The following ATL3 variants were observed in gnomAD, a reference collection of about 807,000 sequenced individuals.
The protein encoded by ATL3 is atlastin-3.
In ATL3, 49 loss-of-function variants were observed where a neutral mutation model predicts 69.5. The ratio of observed to expected loss-of-function variants is 0.71; its 90% CI spans 0.56 to 0.89. The LOEUF is 0.89. Among genes scored for constraint, ATL3 ranks in the 40% least tolerant of loss-of-function variants. The probability of loss-of-function intolerance (pLI) is 0.00; values close to 1 mark genes in which losing one functional copy is unlikely to be tolerated. For missense variants in ATL3, 606 were observed against 645.7 expected, an observed-to-expected ratio of 0.94 and a Z score of 0.67; for synonymous variants, 214 against 224.1, an observed-to-expected ratio of 0.95 and a Z score of 0.40.
intron 6 of ATL3, 78 bp downstream of exon 6, chr11:63,646,429 T>C: frequency 2.5e-6 from 2 of 805,222 alleles, no homozygotes; most frequent in Admixed American, 4.9e-5. Context: ...AAGCTAGATT[T>C]GGCCTATGAG....
At chr11:63,660,216 A>G (rs193095381) in intron 1 of ATL3, among the ~76,000 whole-genome samples, 3 of 152,320 alleles carry the variant, frequency 2.0e-5, no homozygotes, top group African/African-American at 4.8e-5. Flanking sequence ...AGTATTCACA[A>G]TATCTGTTTC....
rs1021042299 is a variant in ATL3 at position 63,632,755 on chromosome 11, C to T, written c.1107+271G>A. The T allele has an allele frequency of 3.0e-6, 3 of 1,003,536 alleles. No homozygotes were observed. The African/African-American group carries it at 4.8e-5, about 16-fold the overall frequency. The allele number at this position is 1,003,536 out of a possible 1,614,324, so 62.2% of individuals were successfully genotyped here. On this transcript the variant is annotated intron_variant, in intron 11 of 12. Transcript: ENST00000398868. ...TTTATTCTTTTGACTTGATTATTGTCTCCTGCTCATGTGAATTTATTACTC... is the reference window on the plus strand; with the variant it reads ...TTTATTCTTTTGACTTGATTATTGTTTCCTGCTCATGTGAATTTATTACTC...
chr11:63,651,669 C>T (rs893423758), intron 5 of ATL3, among the ~76,000 whole-genome samples: 1 of 152,176 alleles, frequency 6.6e-6, no homozygotes, highest in Admixed American at 6.6e-5. Context: ...CCAGCAGCTG[C>T]TCCTCTCCTG....
chr11:63,656,061 A>G (rs1428587074), intron 3 of ATL3, among the ~76,000 whole-genome samples: 3 of 152,088 alleles, frequency 2.0e-5, no homozygotes, highest in Non-Finnish European at 4.4e-5. Flanking sequence ...CGTCTCTACT[A>G]AAAATACAAA....
intron 12 of ATL3, among the ~76,000 whole-genome samples, chr11:63,630,324 G>A (rs1939266764): frequency 1.3e-5 from 2 of 151,326 alleles, no homozygotes; most frequent in African/African-American, 4.9e-5. Context: ...ACTCTTGGGA[G>A]GCTGAGGCAA....
chr11:63,636,289 T>TA lies in ATL3; in HGVS notation c.895dup (p.Tyr299LeufsTer7), dbSNP rs1423810953. Reference sequence around the variant, plus strand: ...CATTAACTTAGATGGGTTTAATACATACGGTATCAGTGCCTGTAACTGCTC... The same window carrying TA: ...CATTAACTTAGATGGGTTTAATACATAACGGTATCAGTGCCTGTAACTGCTC... On this transcript the variant is annotated frameshift_variant, in exon 9 of 13. Transcript: ENST00000398868. LOFTEE classifies it high-confidence loss of function. 6.2e-7 allele frequency: 1 copy of TA among 1,614,004 alleles called. No individual in the cohort carries two copies. The highest frequency in any genetic ancestry group is 1.3e-5 in the African/African-American group (1 of 74,914).
At chr11:63,648,809 T>TAA (rs1181518895) in intron 5 of ATL3, among the ~76,000 whole-genome samples, 1 of 130,138 alleles carries the variant, frequency 7.7e-6, no homozygotes. Flanking sequence ...ACTCTGTCTC[T>TAA]AAAAAAAAAA....
chr11:63,635,424 G>T, intron 10 of ATL3, 110 bp downstream of exon 10: 1 of 945,314 alleles, frequency 1.1e-6, no homozygotes, highest in Non-Finnish European at 1.6e-6. Context: ...ACCTCAGCAT[G>T]ATGAAAAAGG....
chr11:63,658,926 A>G, intron 2 of ATL3, 22 bp from the exon 3 acceptor site: 1 of 1,586,140 alleles, frequency 6.3e-7, no homozygotes, highest in Non-Finnish European at 8.5e-7. Flanking sequence ...AGAAATTTCT[A>G]TTAAATCTTA....
At chr11:63,649,594 T>C (rs1317269635) in intron 5 of ATL3, among the ~76,000 whole-genome samples, 4 of 151,920 alleles carry the variant, frequency 2.6e-5, no homozygotes, top group Non-Finnish European at 5.9e-5. Context: ...TGCAGTGGTG[T>C]GCTCTCAGCT....
Position 63,631,213 on chromosome 11 carries a change from T to A in ATL3, c.1366A>T (p.Ile456Leu), listed in dbSNP as rs770788101. Reference protein sequence around the residue: ...VLFTGIVALYIASGLTGFIGL... With the variant: ...VLFTGIVALYLASGLTGFIGL... ...ATGAAGCCAGTGAGGCCTGAGGCTA[T>A]GTACAAAGCTACAATGCCCGTGAAC... is the stretch of plus-strand genomic sequence containing the variant. The change falls in exon 12 of 13, where the codon ATA becomes TTA. Residue 456 changes from isoleucine (I) to leucine (L), a missense_variant. By Grantham distance (5) the Ile-to-Leu change is conservative. Coordinates refer to ENST00000398868, the MANE Select transcript of ATL3 (RefSeq NM_015459.5). The A allele has an allele frequency of 6.2e-7, 1 of 1,614,206 alleles. No individual in the cohort carries two copies. The highest frequency in any genetic ancestry group is 1.1e-5 in the South Asian group (1 of 91,090).
At chr11:63,669,398 G>A (rs1293225315) in intron 1 of ATL3, among the ~76,000 whole-genome samples, 1 of 151,600 alleles carries the variant, frequency 6.6e-6, no homozygotes, top group African/African-American at 2.4e-5. Context: ...ACCCAGGCGC[G>A]GTGGAGGGCG....
intron 5 of ATL3, among the ~76,000 whole-genome samples, chr11:63,649,938 T>C (rs900841584): frequency 6.6e-6 from 1 of 152,236 alleles, no homozygotes; most frequent in Non-Finnish European, 1.5e-5. Flanking sequence ...ATATCGTAAG[T>C]ACACTGCATT....
chr11:63,648,548 G>A (rs550682453), intron 5 of ATL3, among the ~76,000 whole-genome samples: 132 of 152,172 alleles, frequency 8.7e-4, no homozygotes, highest in African/African-American at 3.0e-3. Flanking sequence ...AGGGCTGGCC[G>A]CTCTAATCCC....
chr11:63,647,075 A>T (rs1470543572), intron 5 of ATL3, among the ~76,000 whole-genome samples: 2 of 152,092 alleles, frequency 1.3e-5, no homozygotes, highest in African/African-American at 4.8e-5. Flanking sequence ...AAATTTCCTC[A>T]TGATCTGCTC....
chr11:63,645,796 C>A (rs1209562665), intron 6 of ATL3, among the ~76,000 whole-genome samples: 1 of 151,562 alleles, frequency 6.6e-6, no homozygotes, highest in Non-Finnish European at 1.5e-5. Flanking sequence ...GAGACAAAGT[C>A]TTGCTCTGTC....
rs779896498 is a variant in ATL3 at position 63,644,265 on chromosome 11, T to C, written c.619-4A>G. On this transcript the variant is annotated splice_region_variant and splice_polypyrimidine_tract_variant and intron_variant, in intron 6 of 12. Coordinates refer to ENST00000398868, the MANE Select transcript of ATL3 (RefSeq NM_015459.5). ...CTCTAACCAAAAACATCAGTGTCTA[T>C]TTAAGAAAAGAGCGGAACATATTTT... 6 of 1,575,234 alleles carry C rather than the reference T, an allele frequency of 3.8e-6. No individual in the cohort carries two copies. Among genetic ancestry groups the C allele is most frequent in the Non-Finnish European group, 5.2e-6 (6 of 1,147,890 alleles).
At chr11:63,646,103 G>A (rs977460135) in intron 6 of ATL3, among the ~76,000 whole-genome samples, 2 of 151,906 alleles carry the variant, frequency 1.3e-5, no homozygotes, top group Non-Finnish European at 2.9e-5. Context: ...TGCCCAGGCT[G>A]GTCTCAAACT....
chr11:63,635,608 A>C lies in ATL3; in HGVS notation c.979-18T>G. Reference sequence around the variant, plus strand: ...ATATATGCCTTAAAATATAAACATAAAAACTGCTATAAAATGTTATTCAGT... The same window carrying C: ...ATATATGCCTTAAAATATAAACATACAAACTGCTATAAAATGTTATTCAGT... On this transcript the variant is annotated intron_variant, in intron 9 of 12. Transcript: ENST00000398868. The C allele has an allele frequency of 6.4e-7, 1 of 1,554,102 alleles. No individual in the cohort carries two copies. The highest frequency in any genetic ancestry group is 8.9e-7 in the Non-Finnish European group (1 of 1,127,498).
Sources: gnomAD v4.1 joint callset for allele counts (sites outside exome capture counted in the v4.1 genomes callset) on GRCh38, gnomAD v4.1.1 for gene constraint, MANE v1.5 for transcripts, NCBI Gene and HGNC (gene_info 2026-07-23, HGNC 2026-07-21) for gene names.